OR5T2: variants seen among roughly 807,000 people sequenced by gnomAD.
The protein encoded by OR5T2 is olfactory receptor 5T2.
In OR5T2, 12 loss-of-function variants were observed where a neutral mutation model predicts 13.7. The ratio of observed to expected loss-of-function variants is 0.88; its 90% CI spans 0.56 to 1.42. The LOEUF is 1.42. Among genes scored for constraint, OR5T2 ranks in the 40% most tolerant of loss-of-function variants. The pLI, the probability that OR5T2 is intolerant of heterozygous loss-of-function variation, is 0.00. For synonymous variants in OR5T2, 146 were observed against 139.5 expected, an observed-to-expected ratio of 1.05 and a Z score of -0.33; for missense variants, 475 against 372.0, an observed-to-expected ratio of 1.28 and a Z score of -2.28.
rs774632383 is a variant in OR5T2, at chr11:56,232,494, G to C, written c.569C>G (p.Thr190Ser). Residue 190 changes from threonine (T) to serine (S), a missense_variant, in exon 2 of 2, where the codon ACT becomes AGT. Coordinates refer to ENST00000641661, the MANE Select transcript of OR5T2 (RefSeq NM_001004746.4). ...PPLLAISYSDTHTNQLLLFYF... is the reference protein window; with the variant it reads ...PPLLAISYSDSHTNQLLLFYF... ...GAAGAGTAGAAGCTGGTTTGTGTGA[G>C]TGTCAGAATAAGAAATAGCAAGGAG... is the stretch of plus-strand genomic sequence containing the variant. 4 of 1,607,658 alleles carry C rather than the reference G, an allele frequency of 2.5e-6. No homozygotes were observed. The highest frequency in any genetic ancestry group is 1.1e-5 in the South Asian group (1 of 90,030).
chr11:56,233,631 T>C (rs927213366), intron 1 of OR5T2, among the ~76,000 whole-genome samples: 6 of 152,106 alleles, frequency 3.9e-5, no homozygotes, highest in Non-Finnish European at 8.8e-5. Context: ...AAAATAATTT[T>C]GATTATAGAA....
Position 56,232,328 on chromosome 11 carries a change from T to A in OR5T2, c.735A>T (p.Gly245=), listed in dbSNP as rs572966570. The change falls in exon 2 of 2, where the codon GGA becomes GGT. Residue 245 remains glycine, a synonymous_variant. Transcript: ENST00000641661. ...GGATTGTCCCATAATAAATTGACAC[T>A]CCAGTTAGGTGAGCTCCACATGTGG... The part of the protein sequence containing the change: ...VFSTCGAHLT[G]VSIYYGTILF... 9 of 1,607,696 alleles carry A rather than the reference T, an allele frequency of 5.6e-6. No homozygotes were observed. The highest frequency in any genetic ancestry group is 7.6e-6 in the Non-Finnish European group (9 of 1,177,014).
rs376680513 is a variant in OR5T2, at chr11:56,232,887, T to C, written c.176A>G (p.Tyr59Cys). Residue 59 changes from tyrosine (Y) to cysteine (C), a missense_variant, in exon 2 of 2, where the codon TAT becomes TGT. Transcript: ENST00000641661. Reference protein sequence around the residue: ...RDSQLHKPMYYFLSMLSSVDA... With the variant: ...RDSQLHKPMYCFLSMLSSVDA... Reference sequence around the variant, plus strand: ...CACAGAAGACAACATACTCAGAAAATAGTACATGGGTTTGTGGAGCTGGGA... The same window carrying C: ...CACAGAAGACAACATACTCAGAAAACAGTACATGGGTTTGTGGAGCTGGGA... 57 of 1,611,848 alleles carry C rather than the reference T, an allele frequency of 3.5e-5. No homozygotes were observed. In the Middle Eastern group the frequency reaches 8.2e-4, roughly 23 times the overall value.
chr11:56,232,566 A>G lies in OR5T2; in HGVS notation c.497T>C (p.Phe166Ser). Residue 166 changes from phenylalanine (F) to serine (S), a missense_variant, in exon 2 of 2, where the codon TTC becomes TCC. Phe to Ser is a radical substitution (Grantham distance 155). Transcript: ENST00000641661. ...ACGCCTAATTTCATTGGCTCCACAG[A>G]AGGATAGGCTAAATGTAGCCACTGT... is the stretch of plus-strand genomic sequence containing the variant. Reference protein sequence around the residue: ...IHTVATFSLSFCGANEIRRVF... With the variant: ...IHTVATFSLSSCGANEIRRVF... 1.2e-6 allele frequency: 2 copies of G among 1,613,922 alleles called. No individual in the cohort carries two copies. The highest frequency in any genetic ancestry group is 1.7e-6 in the Non-Finnish European group (2 of 1,179,946).
In OR5T2 at chr11:56,232,405, G is replaced by C. The variant is rs1182630267; in HGVS notation, c.658C>G (p.Leu220Val). 6.2e-7 allele frequency: 1 copy of C among 1,610,730 alleles called. No homozygotes were observed. The highest frequency in any genetic ancestry group is 8.5e-7 in the Non-Finnish European group (1 of 1,178,104). ...GAATACATCTTCAGAATGGCCAACA[G>C]AATCAAACCATAGGAGATCAGAACA... Reference protein sequence around the residue: ...LIVLISYGLILLAILKMYSAE... With the variant: ...LIVLISYGLIVLAILKMYSAE... Residue 220 changes from leucine to valine, a missense_variant, in exon 2 of 2, where the codon CTG (leucine) becomes GTG (valine). Transcript: ENST00000641661.
chr11:56,233,334 G>A (rs555455295), intron 1 of OR5T2, 70 bp from the exon 2 acceptor site: 48 of 544,218 alleles, frequency 8.8e-5, no homozygotes, highest in African/African-American at 8.1e-4. Context: ...AAAATCATCA[G>A]GTCTACTGGT....
At position 56,233,058 on chromosome 11, in the gene OR5T2, T is replaced by C. The variant is rs762807877; in HGVS notation, c.5A>G (p.Lys2Arg). The change falls in exon 2 of 2, where the codon AAG (lysine) becomes AGG (arginine). Residue 2 changes from lysine to arginine, a missense_variant. Coordinates refer to ENST00000641661, the MANE Select transcript of OR5T2 (RefSeq NM_001004746.4). ...AAATAAGGTAACTTCAGTGACATTC[T>C]TCATGTTGAAATCTAGAACAAACTT... MKNVTEVTLFVL... is the reference protein window; with the variant it reads MRNVTEVTLFVL... 5 of 1,606,876 alleles carry C rather than the reference T, an allele frequency of 3.1e-6. No individual in the cohort carries two copies. Among genetic ancestry groups the C allele is most frequent in the Non-Finnish European group, 4.3e-6 (5 of 1,174,382 alleles).
In OR5T2 at chr11:56,232,591, T is replaced by C. The variant is rs1364024953; in HGVS notation, c.472A>G (p.Thr158Ala). Residue 158 changes from threonine to alanine, a missense_variant, in exon 2 of 2, where the codon ACA becomes GCA. Transcript: ENST00000641661. ...VAGILHATIH[T>A]VATFSLSFCG... ...AAGGATAGGCTAAATGTAGCCACTG[T>C]ATGTATAGTAGCATGTAAAATGCCA... The C allele has an allele frequency of 6.2e-7, 1 of 1,614,112 alleles. No homozygotes were observed. The highest frequency in any genetic ancestry group is 2.2e-5 in the East Asian group (1 of 44,876).
chr11:56,232,242 A>G lies in OR5T2; in HGVS notation c.821T>C (p.Ile274Thr), dbSNP rs377470328. The change falls in exon 2 of 2, where the codon ATA becomes ACA. Residue 274 changes from isoleucine (I) to threonine (T), a missense_variant. Ile to Thr is a moderately conservative substitution (Grantham distance 89). Coordinates refer to ENST00000641661, the MANE Select transcript of OR5T2 (RefSeq NM_001004746.4). ...YASDHDMIVS[I>T]FYTIVIPLLN... is the part of the protein sequence containing the mutation. ...CAAGGGAATCACAATGGTGTAAAAT[A>G]TTGACACTATCATGTCATGGTCCGA... is the stretch of plus-strand genomic sequence containing the variant. The G allele has an allele frequency of 6.2e-7, 1 of 1,613,616 alleles. No homozygotes were observed. The highest frequency in any genetic ancestry group is 8.5e-7 in the Non-Finnish European group (1 of 1,179,660).
intron 1 of OR5T2, among the ~76,000 whole-genome samples, chr11:56,233,823 A>G (rs1347070261): frequency 1.3e-5 from 2 of 151,910 alleles, no homozygotes; most frequent in Admixed American, 6.6e-5. Flanking sequence ...TCCATTTTCT[A>G]CATTACAATT....
Position 56,232,625 on chromosome 11 carries a change from G to A in OR5T2, c.438C>T (p.Ser146=), listed in dbSNP as rs374779177. 27 of 1,613,978 alleles carry A rather than the reference G, an allele frequency of 1.7e-5. No homozygotes were observed. Among genetic ancestry groups the A allele is most frequent in the African/African-American group, 5.3e-5 (4 of 74,930 alleles). Residue 146 remains serine (S), a synonymous_variant, in exon 2 of 2, where the codon TCC becomes TCT. Transcript: ENST00000641661. ...PRVYMPLINA[S]YVAGILHATI... ...TAGCATGTAAAATGCCAGCAACATAGGAAGCATTGATGAGTGGCATGTAGA... is the reference window on the plus strand; with the variant it reads ...TAGCATGTAAAATGCCAGCAACATAAGAAGCATTGATGAGTGGCATGTAGA...
chr11:56,232,539 A>G lies in OR5T2; in HGVS notation c.524T>C (p.Val175Ala). Residue 175 changes from valine to alanine, a missense_variant, in exon 2 of 2, where the codon GTC becomes GCC. Coordinates refer to ENST00000641661, the MANE Select transcript of OR5T2 (RefSeq NM_001004746.4). Reference protein sequence around the residue: ...SFCGANEIRRVFCDIPPLLAI... With the variant: ...SFCGANEIRRAFCDIPPLLAI... ...AAGGAGAGGAGGGATATCACAAAAGACACGCCTAATTTCATTGGCTCCACA... is the reference window on the plus strand; with the variant it reads ...AAGGAGAGGAGGGATATCACAAAAGGCACGCCTAATTTCATTGGCTCCACA... 6.2e-7 allele frequency: 1 copy of G among 1,613,340 alleles called. No individual in the cohort carries two copies. Among genetic ancestry groups the G allele is most frequent in the East Asian group, 2.2e-5 (1 of 44,868 alleles).
rs1177421235 is a variant in OR5T2 at position 56,231,283 on chromosome 11, GA to G, written c.*822del. On this transcript the variant is annotated 3_prime_UTR_variant, in exon 2 of 2. Coordinates refer to ENST00000641661, the MANE Select transcript of OR5T2 (RefSeq NM_001004746.4). The stretch of plus-strand genomic sequence containing the variant: ...TTAAACATTTTTATTATCGTCTAGG[GA>G]AAACTCTTGCTAACCAGGTTTTTCC... 1 of 152,040 alleles carries G rather than the reference GA, an allele frequency of 6.6e-6. No individual in the cohort carries two copies. Among genetic ancestry groups the G allele is most frequent in the Non-Finnish European group, 1.5e-5 (1 of 68,012 alleles). The allele number at this position is 152,040 out of a possible 1,614,324, so 9.4% of individuals were successfully genotyped here.
chr11:56,232,349 T>C lies in OR5T2; in HGVS notation c.714A>G (p.Thr238=). 1.2e-6 allele frequency: 2 copies of C among 1,607,986 alleles called. No individual in the cohort carries two copies. Among genetic ancestry groups the C allele is most frequent in the Non-Finnish European group, 1.7e-6 (2 of 1,176,870 alleles). The change falls in exon 2 of 2, where the codon ACA becomes ACG. Residue 238 remains threonine (T), a synonymous_variant. Coordinates refer to ENST00000641661, the MANE Select transcript of OR5T2 (RefSeq NM_001004746.4). ...SAEGRRKVFS[T]CGAHLTGVSI... is the part of the protein sequence containing the mutation. ...ACACTCCAGTTAGGTGAGCTCCACATGTGGAGAAGACTTTTCTCCTCCCTT... is the reference window on the plus strand; with the variant it reads ...ACACTCCAGTTAGGTGAGCTCCACACGTGGAGAAGACTTTTCTCCTCCCTT...
At chr11:56,233,468 C>T (rs1853325168) in intron 1 of OR5T2, among the ~76,000 whole-genome samples, 1 of 152,068 alleles carries the variant, frequency 6.6e-6, no homozygotes, top group African/African-American at 2.4e-5. Context: ...GGGGACAGAG[C>T]ATTGGAATAC....
In OR5T2 at chr11:56,232,039, T is replaced by C. The variant is rs1009370634; in HGVS notation, c.*67A>G. ...GGAACCCTGGATGGAAACCAACATATATCATAACACCACAATGACACATTC... is the reference window on the plus strand; with the variant it reads ...GGAACCCTGGATGGAAACCAACATACATCATAACACCACAATGACACATTC... On this transcript the variant is annotated 3_prime_UTR_variant, in exon 2 of 2. Transcript: ENST00000641661. The C allele has an allele frequency of 6.1e-6, 8 of 1,318,682 alleles. No homozygotes were observed. The highest frequency in any genetic ancestry group is 6.1e-6 in the Non-Finnish European group (6 of 981,058). 81.7% of individuals were successfully genotyped at this position (1,318,682 alleles called of 1,614,324 possible).
At position 56,231,914 on chromosome 11, in the gene OR5T2, G is replaced by A. The variant is rs1853285457; in HGVS notation, c.*192C>T. 13 of 470,718 alleles carry A rather than the reference G, an allele frequency of 2.8e-5. No individual in the cohort carries two copies. The South Asian group carries it at 5.9e-4, about 21-fold the overall frequency. 29.2% of individuals were successfully genotyped at this position (470,718 alleles called of 1,614,324 possible). On this transcript the variant is annotated 3_prime_UTR_variant, in exon 2 of 2. Transcript: ENST00000641661. ...ACATTGGAACCCAGCCTTGGTGCAA[G>A]TGAAAGGAGGGCAGGAGAAGGTAAA...
In OR5T2 at chr11:56,233,109, A is replaced by G. The variant is rs1488930016; in HGVS notation, c.-47T>C. 2 of 1,600,094 alleles carry G rather than the reference A, an allele frequency of 1.2e-6. No individual in the cohort carries two copies. Among genetic ancestry groups the G allele is most frequent in the Non-Finnish European group, 1.7e-6 (2 of 1,170,598 alleles). ...GAAGATATGCATAAAGTTACAGTTC[A>G]TATTATGACAAAAAGAATGAACAAC... On this transcript the variant is annotated 5_prime_UTR_variant, in exon 2 of 2. The change abolishes an upstream ATG in the 5' untranslated region. Transcript: ENST00000641661.
In OR5T2 at chr11:56,233,114, A is replaced by G. The variant is rs527896877; in HGVS notation, c.-52T>C. 4.4e-6 allele frequency: 7 copies of G among 1,597,704 alleles called. No homozygotes were observed. Among genetic ancestry groups the G allele is most frequent in the Non-Finnish European group, 6.0e-6 (7 of 1,168,914 alleles). On this transcript the variant is annotated 5_prime_UTR_variant, in exon 2 of 2. Transcript: ENST00000641661. ...TATGCATAAAGTTACAGTTCATATT[A>G]TGACAAAAAGAATGAACAACACCAT...
Sources: gnomAD v4.1 joint callset for allele counts (sites outside exome capture counted in the v4.1 genomes callset) on GRCh38, gnomAD v4.1.1 for gene constraint, MANE v1.5 for transcripts, NCBI Gene and HGNC (gene_info 2026-07-23, HGNC 2026-07-21) for gene names.